The following ZFR variants were observed in gnomAD, a reference collection of about 807,000 sequenced individuals.
The protein encoded by ZFR is zinc finger RNA-binding protein.
ZFR carries 19 observed loss-of-function variants against 130.7 expected under a neutral mutation model. The observed-to-expected ratio is 0.15, with a 90% CI of 0.10 to 0.21. The LOEUF is 0.21. Among genes scored for constraint, ZFR ranks in the 10% least tolerant of loss-of-function variants. The pLI is 1.00. For synonymous variants in ZFR, 466 were observed against 456.9 expected (o/e 1.02, Z -0.25); for missense variants, 872 against 1,321.5 (o/e 0.66, Z 5.27).
intron 5 of ZFR, among the ~76,000 whole-genome samples, chr5:32,414,502 AC>A (rs1306669276): frequency 6.6e-6 from 1 of 152,246 alleles, no homozygotes; most frequent in Non-Finnish European, 1.5e-5. Context: ...GTGTTACATA[AC>A]CACCATCTTA....
At chr5:32,428,963 G>A (rs1166007185) in intron 2 of ZFR, among the ~76,000 whole-genome samples, 13 of 139,658 alleles carry the variant, frequency 9.3e-5, no homozygotes, top group Non-Finnish European at 1.4e-4. Context: ...TTAGAAAAAA[G>A]TCTTCTTACA....
At chr5:32,401,050 A>G (rs945435371) in intron 8 of ZFR, among the ~76,000 whole-genome samples, 3 of 152,228 alleles carry the variant, frequency 2.0e-5, no homozygotes, top group Non-Finnish European at 2.9e-5. Flanking sequence ...TTCTAAACTG[A>G]AAGTATGAAG....
rs1200521471 is a variant in ZFR, at chr5:32,379,161, C to T, written c.2789G>A (p.Arg930Gln). Residue 930 changes from arginine to glutamine, a missense_variant, in exon 17 of 20, where the codon CGA becomes CAA. Arg to Gln is a conservative substitution (Grantham distance 43). This residue lies in a region of ZFR where 158 missense variants were observed against 264.0 expected (regional missense o/e 0.60). Transcript: ENST00000265069. ...AGTTGGAACTCGCTGACAGAGGTCT[C>T]GAAGAATGCGTATGATAATCACACA... is the stretch of plus-strand genomic sequence containing the variant. Reference protein sequence around the residue: ...QSCVIIIRILRDLCQRVPTWS... With the variant: ...QSCVIIIRILQDLCQRVPTWS... The T allele has an allele frequency of 6.8e-6, 11 of 1,613,850 alleles. No individual in the cohort carries two copies. Among genetic ancestry groups the T allele is most frequent in the Non-Finnish European group, 8.5e-6 (10 of 1,179,938 alleles).
At chr5:32,357,859 T>C (rs930807504) in intron 19 of ZFR, among the ~76,000 whole-genome samples, 26 of 152,224 alleles carry the variant, frequency 1.7e-4, no homozygotes, top group African/African-American at 5.5e-4. Flanking sequence ...TTCATCTTTT[T>C]CCACTGATTT....
intron 8 of ZFR, among the ~76,000 whole-genome samples, chr5:32,402,077 CAG>C (rs1021911698): frequency 1.3e-5 from 2 of 152,154 alleles, no homozygotes; most frequent in African/African-American, 4.8e-5. Context: ...CTGTCCAACT[CAG>C]GTGGGGGTTT....
Position 32,406,892 on chromosome 5 carries a change from C to T in ZFR, c.914G>A (p.Gly305Glu). Reference sequence around the variant, plus strand: ...TGGTGCTTTTTTAGTAAAGGTGGTCCCTGTCCAGGCAGCTGTTGCAGCAGC... The same window carrying T: ...TGGTGCTTTTTTAGTAAAGGTGGTCTCTGTCCAGGCAGCTGTTGCAGCAGC... ...AAAAATAAWTGTTFTKKAPFQ... is the reference protein window; with the variant it reads ...AAAAATAAWTETTFTKKAPFQ... The change falls in exon 6 of 20, where the codon GGG becomes GAG. Residue 305 changes from glycine to glutamate, a missense_variant. Transcript: ENST00000265069. The T allele has an allele frequency of 1.2e-6, 2 of 1,613,562 alleles. No homozygotes were observed. Among genetic ancestry groups the T allele is most frequent in the Non-Finnish European group, 1.7e-6 (2 of 1,179,934 alleles).
At chr5:32,389,980 A>C (rs987127485) in intron 12 of ZFR, among the ~76,000 whole-genome samples, 4 of 152,188 alleles carry the variant, frequency 2.6e-5, no homozygotes, top group East Asian at 1.9e-4. Flanking sequence ...GCGAAACTCT[A>C]TCTCTACTAA....
Position 32,417,131 on chromosome 5 carries a change from A to C in ZFR, c.565+517T>G, listed in dbSNP as rs553883726. On this transcript the variant is annotated intron_variant, in intron 4 of 19. Coordinates refer to ENST00000265069, the MANE Select transcript of ZFR (RefSeq NM_016107.5). ...TATCAAGTCTCTCTCTAAAAAAAAA[A>C]AAATCCATCTTTTAAAGTCTGTAAA... Among the ~76,000 whole-genome samples the C allele has an allele frequency of 2.0e-5, 3 of 149,718 alleles. No homozygotes were observed. The East Asian group carries it at 5.9e-4, about 30-fold the overall frequency.
At chr5:32,395,652 C>T (rs1561887482) in intron 10 of ZFR, among the ~76,000 whole-genome samples, 2 of 152,106 alleles carry the variant, frequency 1.3e-5, no homozygotes, top group Non-Finnish European at 1.5e-5. Flanking sequence ...TCTCCCTCTG[C>T]CACCCCTGAG....
At position 32,415,015 on chromosome 5, in the gene ZFR, G is replaced by C. The variant is rs766966020; in HGVS notation, c.738C>G (p.Ser246=). The change falls in exon 5 of 20, where the codon TCC becomes TCG. Residue 246 remains serine, a synonymous_variant. Transcript: ENST00000265069. The stretch of plus-strand genomic sequence containing the variant: ...TACTGTAAGTAGCACTCTGAGTATA[G>C]GATGGCACCACAGTAGCCGCAGCTG... The part of the protein sequence containing the change: ...PVAAAATVVP[S]YTQSATYSTT... The C allele has an allele frequency of 6.2e-6, 10 of 1,613,904 alleles. No individual in the cohort carries two copies. The highest frequency in any genetic ancestry group is 3.3e-5 in the Admixed American group (2 of 59,994).
rs780073530 is a variant in ZFR at position 32,444,338 on chromosome 5, G to A, written c.38-10C>T. ...CCCAGCCGGCTGGGCACTGCGGCGG[G>A]CACGAAGAGTCGGGTCCCATGGCGG... On this transcript the variant is annotated splice_polypyrimidine_tract_variant and intron_variant, in intron 1 of 19. Transcript: ENST00000265069. 2.6e-6 allele frequency: 4 copies of A among 1,535,188 alleles called. No homozygotes were observed. The South Asian group carries it at 4.9e-5, about 19-fold the overall frequency.
chr5:32,378,092 G>T (rs1581685903), intron 17 of ZFR, among the ~76,000 whole-genome samples: 1 of 152,150 alleles, frequency 6.6e-6, no homozygotes, highest in Admixed American at 6.5e-5. Context: ...TAGTTTTTTT[G>T]AAATTTTCAA....
rs989378328 is a variant in ZFR at position 32,354,611 on chromosome 5, A to T, written c.*1149T>A. On this transcript the variant is annotated 3_prime_UTR_variant, in exon 20 of 20. Transcript: ENST00000265069. Reference sequence around the variant, plus strand: ...TAAGCAGGTAAGATGGCCACACCAAATAATTTTCTGTTTTTTTCCTTAGAT... The same window carrying T: ...TAAGCAGGTAAGATGGCCACACCAATTAATTTTCTGTTTTTTTCCTTAGAT... The T allele has an allele frequency of 5.2e-5, 8 of 152,636 alleles. No individual in the cohort carries two copies. The highest frequency in any genetic ancestry group is 1.9e-4 in the African/African-American group (8 of 41,446). 9.5% of individuals were successfully genotyped at this position (152,636 alleles called of 1,614,324 possible). A position where few individuals can be genotyped will look rare whatever the true frequency, so the allele number is the denominator to read the frequency against.
At position 32,390,157 on chromosome 5, in the gene ZFR, A is replaced by G. The variant is rs1753132901; in HGVS notation, c.2142+118T>C. ...GCGACAGAGCAAGACTCTGTCTCAA[A>G]AAAACTACCAAGATTACAAGATTAT... On this transcript the variant is annotated intron_variant, in intron 12 of 19. Coordinates refer to ENST00000265069, the MANE Select transcript of ZFR (RefSeq NM_016107.5). The G allele has an allele frequency of 2.2e-6, 3 of 1,373,360 alleles. No homozygotes were observed. The South Asian group carries it at 4.4e-5, about 20-fold the overall frequency. 85.1% of individuals were successfully genotyped at this position (1,373,360 alleles called of 1,614,324 possible).
intron 6 of ZFR, 112 bp downstream of exon 6, chr5:32,406,662 C>T: frequency 2.1e-6 from 3 of 1,406,950 alleles, no homozygotes; most frequent in African/African-American, 1.4e-5. Context: ...AATGCACTGG[C>T]TAAAAGCTAA....
chr5:32,412,832 T>C (rs1753740129), intron 5 of ZFR, among the ~76,000 whole-genome samples: 1 of 152,138 alleles, frequency 6.6e-6, no homozygotes, highest in African/African-American at 2.4e-5. Flanking sequence ...TTGGTGAACC[T>C]AGGTGAATGG....
chr5:32,414,867 C>A (rs1753784489), intron 5 of ZFR, 102 bp downstream of exon 5: 2 of 1,003,478 alleles, frequency 2.0e-6, no homozygotes, highest in Admixed American at 2.7e-5. Context: ...TAATTTAATT[C>A]CTATTATTGG....
At chr5:32,390,733 T>A (rs1248334986) in intron 11 of ZFR, among the ~76,000 whole-genome samples, 1 of 152,214 alleles carries the variant, frequency 6.6e-6, no homozygotes, top group African/African-American at 2.4e-5. Context: ...CAATGCCACC[T>A]AAAGGAGGCA....
chr5:32,373,419 C>T (rs1318157269), intron 17 of ZFR, among the ~76,000 whole-genome samples: 2 of 152,008 alleles, frequency 1.3e-5, no homozygotes, highest in Non-Finnish European at 2.9e-5. Context: ...AATAAAATTC[C>T]CTCAAAACTA....
Sources: allele counts gnomAD v4.1 joint callset (sites outside exome capture counted in the v4.1 genomes callset), GRCh38; gene constraint gnomAD v4.1.1; regional missense constraint gnomAD v4.1.1; transcripts MANE v1.5; gene names NCBI Gene and HGNC (gene_info 2026-07-23, HGNC 2026-07-21).